MACROD2: variants seen among roughly 807,000 people sequenced by gnomAD.
MACROD2 encodes the protein ADP-ribose glycohydrolase MACROD2.
MACROD2 carries 36 observed loss-of-function variants against 70.4 expected under a neutral mutation model. The observed-to-expected ratio is 0.51, with a 90% CI of 0.39 to 0.68. The LOEUF (loss-of-function observed/expected upper bound fraction) is 0.68. Ranked by LOEUF, MACROD2 falls within the 30% of genes least tolerant of loss-of-function variation. MACROD2 has a pLI of 0.00. For missense variants in MACROD2, 496 were observed against 538.4 expected (o/e 0.92, Z 0.78); for synonymous variants, 172 against 178.8 (o/e 0.96, Z 0.30).
chr20:15,155,116 G>T (rs990196719), intron 5 of MACROD2, among the ~76,000 whole-genome samples: 7 of 113,334 alleles, frequency 6.2e-5, no homozygotes, highest in African/African-American at 2.3e-4. Flanking sequence ...GTTACTGGGG[G>T]TTATATTAAG....
intron 4 of MACROD2, among the ~76,000 whole-genome samples, chr20:14,549,027 G>C (rs909014571): frequency 1.3e-5 from 2 of 152,176 alleles, no homozygotes; most frequent in African/African-American, 4.8e-5. Context: ...GCCCACTCTA[G>C]TGGCCAGAGA....
chr20:15,222,610 C>A (rs1449497107), intron 5 of MACROD2, among the ~76,000 whole-genome samples: 4 of 152,150 alleles, frequency 2.6e-5, no homozygotes, highest in Admixed American at 2.6e-4. Context: ...ATTGACAAGG[C>A]ACAGCATTAT....
chr20:15,910,989 AG>A (rs1342330776), intron 10 of MACROD2, among the ~76,000 whole-genome samples: 1 of 152,194 alleles, frequency 6.6e-6, no homozygotes, highest in African/African-American at 2.4e-5. Context: ...TCTGGGACAA[AG>A]ATGACCACTA....
At chr20:15,256,985 T>A (rs1479950706) in intron 6 of MACROD2, among the ~76,000 whole-genome samples, 1 of 152,028 alleles carries the variant, frequency 6.6e-6, no homozygotes, top group Non-Finnish European at 1.5e-5. Context: ...AAAAAGTGTG[T>A]TTAAATTTTA....
chr20:14,169,743 T>C (rs1416050246), intron 3 of MACROD2, among the ~76,000 whole-genome samples: 1 of 152,226 alleles, frequency 6.6e-6, no homozygotes, highest in East Asian at 1.9e-4. Context: ...TTCATTTTAC[T>C]TATCCATAAG....
chr20:16,047,103 G>A (rs1006938564), intron 17 of MACROD2, among the ~76,000 whole-genome samples: 2 of 152,170 alleles, frequency 1.3e-5, no homozygotes, highest in African/African-American at 4.8e-5. Context: ...GCAATAGCAA[G>A]TTTCTGGACA....
intron 6 of MACROD2, among the ~76,000 whole-genome samples, chr20:15,359,538 A>C (rs1025584733): frequency 4.6e-5 from 7 of 151,610 alleles, no homozygotes; most frequent in South Asian, 2.1e-4. Flanking sequence ...TTATTAATTT[A>C]TAAGAAATTA....
At chr20:15,168,930 A>G (rs1320665498) in intron 5 of MACROD2, among the ~76,000 whole-genome samples, 1 of 152,202 alleles carries the variant, frequency 6.6e-6, no homozygotes, top group Non-Finnish European at 1.5e-5. Flanking sequence ...ATATGATTCT[A>G]CTAATATGAG....
At chr20:15,541,373 A>G (rs1328999701) in intron 8 of MACROD2, among the ~76,000 whole-genome samples, 1 of 152,164 alleles carries the variant, frequency 6.6e-6, no homozygotes, top group Admixed American at 6.5e-5. Flanking sequence ...GGAAATTTTA[A>G]AAATCAGAAG....
At chr20:14,434,184 T>G (rs1349638483) in intron 3 of MACROD2, among the ~76,000 whole-genome samples, 2 of 152,188 alleles carry the variant, frequency 1.3e-5, no homozygotes, top group Admixed American at 1.3e-4. Context: ...TCAAATTCTA[T>G]AATGCGATTC....
chr20:15,079,077 C>T (rs1467701916), intron 5 of MACROD2, among the ~76,000 whole-genome samples: 2 of 152,118 alleles, frequency 1.3e-5, no homozygotes, highest in African/African-American at 2.4e-5. Context: ...AGAAAGATGA[C>T]CTCCTTGTTC....
chr20:15,027,555 GGT>G lies in MACROD2; in HGVS notation c.419-202383_419-202382del, dbSNP rs1491039203. On this transcript the variant is annotated intron_variant, in intron 5 of 17. Coordinates refer to ENST00000684519, the MANE Select transcript of MACROD2 (RefSeq NM_001351661.2). ...ATGTGGTGGTAGTGATGGTGGTGGTGGTGGGGGGAAATAATATCTATTTGTGA... is the reference window on the plus strand; with the variant it reads ...ATGTGGTGGTAGTGATGGTGGTGGTGGGGGGGAAATAATATCTATTTGTGA... 9.3e-4 allele frequency among the ~76,000 whole-genome samples: 100 copies of G among 107,648 alleles called. 1 individual carries two copies. The highest frequency in any genetic ancestry group is 2.2e-3 in the South Asian group (7 of 3,138). 70.6% of individuals were successfully genotyped at this position (107,648 alleles called of 152,430 possible). A position where few individuals can be genotyped will look rare whatever the true frequency, so the allele number is the denominator to read the frequency against.
intron 5 of MACROD2, among the ~76,000 whole-genome samples, chr20:14,996,765 G>A (rs1014890693): frequency 3.9e-5 from 6 of 152,172 alleles, no homozygotes; most frequent in African/African-American, 7.2e-5. Context: ...AAGCAACACA[G>A]GGCAGAATTC....
chr20:14,436,745 T>C (rs982396548), intron 3 of MACROD2, among the ~76,000 whole-genome samples: 2 of 152,208 alleles, frequency 1.3e-5, no homozygotes, highest in Non-Finnish European at 2.9e-5. Flanking sequence ...ACCAACTGTC[T>C]AGTATTGGGT....
chr20:15,084,575 T>C (rs2123144594), intron 5 of MACROD2, among the ~76,000 whole-genome samples: 1 of 152,284 alleles, frequency 6.6e-6, no homozygotes, highest in East Asian at 1.9e-4. Context: ...AGAAATAAAT[T>C]GCACCAAACT....
rs543521025 is a variant in MACROD2, at chr20:15,761,420, G to T, written c.646-101325G>T. Among the ~76,000 whole-genome samples the T allele has an allele frequency of 3.3e-5, 5 of 152,304 alleles. No homozygotes were observed. In the South Asian group the frequency reaches 1.0e-3, roughly 32 times the overall value. ...ATTATCACTCAAATACAACCTCAGT[G>T]CAAAAGGGAAGAATTTAGCTTAGTA... On this transcript the variant is annotated intron_variant, in intron 8 of 17. Transcript: ENST00000684519.
At chr20:15,461,001 TATATA>T (rs368654297) in intron 7 of MACROD2, among the ~76,000 whole-genome samples, 2,975 of 84,824 alleles carry the variant, frequency 0.035, 169 homozygotes, top group Middle Eastern at 0.08. Context: ...TATATATATA[TATATA>T]TTTTTTTTTA....
chr20:15,893,795 G>T (rs2147225367), intron 10 of MACROD2: 1 of 456,750 alleles, frequency 2.2e-6, no homozygotes, highest in East Asian at 6.9e-5. Flanking sequence ...AATACTGATG[G>T]TGTCAGGTTG....
At chr20:15,011,068 G>A (rs1186210412) in intron 5 of MACROD2, among the ~76,000 whole-genome samples, 1 of 152,214 alleles carries the variant, frequency 6.6e-6, no homozygotes, top group East Asian at 1.9e-4. Flanking sequence ...GTGGCAGACA[G>A]ATTCAAATGG....
Sources: gnomAD v4.1 joint callset for allele counts (sites outside exome capture counted in the v4.1 genomes callset) on GRCh38, gnomAD v4.1.1 for gene constraint, MANE v1.5 for transcripts, NCBI Gene and HGNC (gene_info 2026-07-23, HGNC 2026-07-21) for gene names.